Variants in SEMA6D observed in about 807,000 individuals in gnomAD.
The protein encoded by SEMA6D is semaphorin-6D.
Under a neutral mutation model 106.6 loss-of-function variants are expected in SEMA6D, and 35 were observed. The observed-to-expected ratio is 0.33, with a 90% confidence interval of 0.25 to 0.44. The LOEUF is 0.44. SEMA6D is among the 20% of genes least tolerant of loss of function. SEMA6D has a pLI of 1.00. For missense variants in SEMA6D, 1,185 were observed against 1,345.9 expected (o/e 0.88, Z 1.87); for synonymous variants, 499 against 487.7 (o/e 1.02, Z -0.31).
At chr15:47,277,727 G>C (rs537960442) in intron 1 of SEMA6D, among the ~76,000 whole-genome samples, 12 of 151,758 alleles carry the variant, frequency 7.9e-5, no homozygotes, top group Admixed American at 2.0e-4. Context: ...TCGTCATCTA[G>C]CATTAGGTAT....
At chr15:47,644,090 C>T (rs1035760477) in intron 4 of SEMA6D, among the ~76,000 whole-genome samples, 3 of 152,086 alleles carry the variant, frequency 2.0e-5, no homozygotes, top group Non-Finnish European at 4.4e-5. Context: ...TATGCCAGGT[C>T]TCATCTTAGT....
intron 1 of SEMA6D, among the ~76,000 whole-genome samples, chr15:47,213,651 CCTTA>C (rs2030272263): frequency 6.6e-6 from 1 of 152,086 alleles, no homozygotes; most frequent in African/African-American, 2.4e-5. Flanking sequence ...ATTTTACTAG[CCTTA>C]CTTATTTTAT....
Position 47,609,890 on chromosome 15 carries a change from G to A in SEMA6D, c.-55+8994G>A, listed in dbSNP as rs117621049. ...TCCCACTGCCTGCCACTGCCCCTGTGGCTTCAGCAGCCCTGCTGCCTTTTG... is the reference window on the plus strand; with the variant it reads ...TCCCACTGCCTGCCACTGCCCCTGTAGCTTCAGCAGCCCTGCTGCCTTTTG... On this transcript the variant is annotated intron_variant, in intron 4 of 19. Coordinates refer to the SEMA6D transcript ENST00000558014. 7.0e-3 allele frequency among the ~76,000 whole-genome samples: 1,059 copies of A among 152,286 alleles called. 5 individuals are homozygous for A. Among genetic ancestry groups the A allele is most frequent in the Admixed American group, 0.018 (279 of 15,292 alleles).
intron 1 of SEMA6D, among the ~76,000 whole-genome samples, chr15:47,351,479 C>T (rs546850520): frequency 4.7e-4 from 72 of 152,196 alleles, no homozygotes; most frequent in East Asian, 2.7e-3. Flanking sequence ...ATTTAATCTG[C>T]AGAACAACCC....
intron 3 of SEMA6D, among the ~76,000 whole-genome samples, chr15:47,501,820 A>C (rs1295838182): frequency 2.0e-5 from 3 of 152,084 alleles, no homozygotes; most frequent in Non-Finnish European, 4.4e-5. Context: ...AAACATTATA[A>C]ATTTTGGTAC....
intron 4 of SEMA6D, among the ~76,000 whole-genome samples, chr15:47,640,856 A>G (rs981674829): frequency 9.2e-5 from 14 of 152,078 alleles, no homozygotes; most frequent in Non-Finnish European, 2.1e-4. Flanking sequence ...TGAAAATTAC[A>G]TACCTTTTTT....
intron 1 of SEMA6D, among the ~76,000 whole-genome samples, chr15:47,357,415 A>G (rs2144990600): frequency 6.6e-6 from 1 of 152,216 alleles, no homozygotes; most frequent in Non-Finnish European, 1.5e-5. Context: ...AACAAAACAA[A>G]AGAGAGCCAC....
At chr15:47,716,302 T>C (rs1407046185), upstream of SEMA6D, among the ~76,000 whole-genome samples, 3 of 152,202 alleles carry the variant, frequency 2.0e-5, no homozygotes, top group African/African-American at 7.2e-5. Flanking sequence ...CAGCAGTTGC[T>C]TGGGGTGTCT....
chr15:47,768,174 G>A (rs985484235), intron 17 of SEMA6D, among the ~76,000 whole-genome samples: 10 of 152,118 alleles, frequency 6.6e-5, no homozygotes, highest in Admixed American at 1.3e-4. Context: ...TTCTTCCCCA[G>A]TAAAGCCTAT....
intron 3 of SEMA6D, among the ~76,000 whole-genome samples, chr15:47,490,343 A>G (rs539577235): frequency 6.6e-6 from 1 of 152,286 alleles, no homozygotes; most frequent in African/African-American, 2.4e-5. Flanking sequence ...TATTCCCTAA[A>G]AGACACTTTG....
At chr15:47,755,701 C>T (rs2081683887) in intron 1 of SEMA6D, among the ~76,000 whole-genome samples, 1 of 151,856 alleles carries the variant, frequency 6.6e-6, no homozygotes, top group Non-Finnish European at 1.5e-5. Flanking sequence ...TGGTTATTTA[C>T]TGGAACTCTT....
At chr15:47,535,129 A>G (rs1486780178) in intron 3 of SEMA6D, among the ~76,000 whole-genome samples, 1 of 151,378 alleles carries the variant, frequency 6.6e-6, no homozygotes, top group Non-Finnish European at 1.5e-5. Flanking sequence ...ACAAAAAACA[A>G]CAATGAGATG....
intron 3 of SEMA6D, among the ~76,000 whole-genome samples, chr15:47,486,827 A>T (rs1397724080): frequency 6.6e-6 from 1 of 152,212 alleles, no homozygotes; most frequent in African/African-American, 2.4e-5. Flanking sequence ...TGGTTTAAAA[A>T]TTTCTTCATA....
intron 4 of SEMA6D, among the ~76,000 whole-genome samples, chr15:47,632,465 C>A (rs1228634499): frequency 6.7e-6 from 1 of 148,738 alleles, no homozygotes; most frequent in African/African-American, 2.4e-5. Flanking sequence ...GTGGTTGGCT[C>A]ATGTGGTGTT....
intron 1 of SEMA6D, among the ~76,000 whole-genome samples, chr15:47,241,840 G>C (rs1200259401): frequency 1.3e-5 from 2 of 152,108 alleles, no homozygotes. Flanking sequence ...AACTTACCTA[G>C]CTGAATGTAG....
intron 1 of SEMA6D, among the ~76,000 whole-genome samples, chr15:47,741,083 A>G (rs190703042): frequency 6.6e-6 from 1 of 152,350 alleles, no homozygotes; most frequent in Non-Finnish European, 1.5e-5. Flanking sequence ...AAATCAAGCT[A>G]AAAAACTCTG....
intron 4 of SEMA6D, among the ~76,000 whole-genome samples, chr15:47,673,909 T>G (rs2078188474): frequency 6.6e-6 from 1 of 152,226 alleles, no homozygotes; most frequent in Admixed American, 6.5e-5. Flanking sequence ...GTGCCCTCTG[T>G]GCAGTGCTTT....
In SEMA6D at chr15:47,534,009, A is replaced by G. The variant is rs992379680; in HGVS notation, c.-87+63464A>G. Among the ~76,000 whole-genome samples the G allele has an allele frequency of 3.9e-5, 6 of 152,186 alleles. 1 individual carries two copies. The highest frequency in any genetic ancestry group is 6.3e-3 in the Middle Eastern group (2 of 316). ...TTAACCGAGGTGCAAAGACAGAGAC[A>G]TGTATCTAATATGAAGCCATCACAT... On this transcript the variant is annotated intron_variant, in intron 3 of 19. Coordinates refer to the SEMA6D transcript ENST00000558014.
intron 4 of SEMA6D, among the ~76,000 whole-genome samples, chr15:47,619,539 T>G (rs1384756496): frequency 2.0e-5 from 3 of 152,184 alleles, no homozygotes; most frequent in Non-Finnish European, 4.4e-5. Context: ...GCAGTGTTCC[T>G]TAAAGTGTGG....
Sources: gnomAD v4.1 joint callset for allele counts (sites outside exome capture counted in the v4.1 genomes callset) on GRCh38, gnomAD v4.1.1 for gene constraint, MANE v1.5 for transcripts, NCBI Gene and HGNC (gene_info 2026-07-23, HGNC 2026-07-21) for gene names.